SEM1: variants seen among roughly 807,000 people sequenced by gnomAD.
The protein encoded by SEM1 is SEM1 26S proteasome subunit, also known as 26S proteasome complex subunit SEM1.
In SEM1, 3 loss-of-function variants were observed where a neutral mutation model predicts 12.7. That is an observed-to-expected ratio of 0.24 (90% confidence interval 0.11 to 0.61). The LOEUF (loss-of-function observed/expected upper bound fraction) is 0.61. Ranked by LOEUF, SEM1 falls within the 20% of genes least tolerant of loss-of-function variation. The probability of loss-of-function intolerance (pLI) is 0.88; values close to 1 mark genes in which losing one functional copy is unlikely to be tolerated. For synonymous variants in SEM1, 30 were observed against 27.8 expected, an observed-to-expected ratio of 1.08 and a Z score of -0.25; for missense variants, 59 against 81.3, an observed-to-expected ratio of 0.73 and a Z score of 1.06.
chr7:96,593,494 A>C (rs902282742), intron 2 of SEM1, among the ~76,000 whole-genome samples: 1 of 152,170 alleles, frequency 6.6e-6, no homozygotes, highest in African/African-American at 2.4e-5. Flanking sequence ...CCTGTTCCCC[A>C]ATCAGATGAA....
At chr7:96,594,714 C>A (rs1806941153) in intron 2 of SEM1, among the ~76,000 whole-genome samples, 2 of 152,086 alleles carry the variant, frequency 1.3e-5, no homozygotes, top group Admixed American at 1.3e-4. Flanking sequence ...GTGAGAATTT[C>A]TTTTCAGTAT....
intron 2 of SEM1, among the ~76,000 whole-genome samples, chr7:96,678,461 G>A (rs1002420876): frequency 6.6e-6 from 1 of 152,144 alleles, no homozygotes; most frequent in Non-Finnish European, 1.5e-5. Flanking sequence ...AACTTACTTG[G>A]TAGTATTTAG....
At chr7:96,514,798 A>T (rs1486065406) in intron 2 of SEM1, among the ~76,000 whole-genome samples, 1 of 147,848 alleles carries the variant, frequency 6.8e-6, no homozygotes, top group Non-Finnish European at 1.5e-5. Flanking sequence ...CTATGTTCAT[A>T]GGTAGGAAAA....
chr7:96,518,463 G>T (rs995811509), intron 2 of SEM1, among the ~76,000 whole-genome samples: 2 of 152,142 alleles, frequency 1.3e-5, no homozygotes, highest in Admixed American at 1.3e-4. Flanking sequence ...GACAGCCTAT[G>T]CCACTGTGTC....
intron 2 of SEM1, chr7:96,645,755 C>T (rs1018435998): frequency 2.0e-4 from 78 of 397,984 alleles, no homozygotes; most frequent in African/African-American, 1.3e-3. Flanking sequence ...TGACCCATGC[C>T]GGATAGATGG....
intron 2 of SEM1, among the ~76,000 whole-genome samples, chr7:96,626,250 C>T (rs1808058822): frequency 4.6e-5 from 7 of 151,988 alleles, no homozygotes; most frequent in Admixed American, 3.9e-4. Flanking sequence ...TTTTTAGATC[C>T]CACAAATAAA....
chr7:96,667,008 T>C (rs367599099), intron 2 of SEM1, among the ~76,000 whole-genome samples: 1 of 152,210 alleles, frequency 6.6e-6, no homozygotes, highest in African/African-American at 2.4e-5. Flanking sequence ...TGCATTGATT[T>C]GTGTATCAAA....
intron 2 of SEM1, among the ~76,000 whole-genome samples, chr7:96,677,154 T>C (rs1442676193): frequency 1.3e-5 from 2 of 152,074 alleles, no homozygotes; most frequent in African/African-American, 2.4e-5. Context: ...CAGATCAAAA[T>C]GAAGACTGGG....
rs1169215534 is a variant in SEM1, at chr7:96,490,018, A to G, written c.13-3601T>C. 5.9e-5 allele frequency among the ~76,000 whole-genome samples: 9 copies of G among 152,058 alleles called. No homozygotes were observed. In the South Asian group the frequency reaches 6.2e-4, roughly 11 times the overall value. Reference sequence around the variant, plus strand: ...CAGGGGCATTGTGAGGAGACACACTATTCAATCCTGTACGGAACCCTGACT... The same window carrying G: ...CAGGGGCATTGTGAGGAGACACACTGTTCAATCCTGTACGGAACCCTGACT... On this transcript the variant is annotated intron_variant, in intron 1 of 3. Coordinates refer to the SEM1 transcript ENST00000356686.
At chr7:96,604,591 G>C (rs745591490) in intron 2 of SEM1, among the ~76,000 whole-genome samples, 2 of 151,996 alleles carry the variant, frequency 1.3e-5, no homozygotes, top group Non-Finnish European at 2.9e-5. Context: ...GTCATCTAGT[G>C]TATGGTGAAT....
chr7:96,493,022 G>A (rs1277910929), intron 1 of SEM1, among the ~76,000 whole-genome samples: 1 of 152,112 alleles, frequency 6.6e-6, no homozygotes, highest in Non-Finnish European at 1.5e-5. Context: ...GCTGGAGTGT[G>A]GAGTGCAGTA....
At chr7:96,636,713 G>A (rs1808438451) in intron 2 of SEM1, among the ~76,000 whole-genome samples, 1 of 152,006 alleles carries the variant, frequency 6.6e-6, no homozygotes, top group Non-Finnish European at 1.5e-5. Context: ...AGTCCAATTA[G>A]GGAAGGGTTA....
chr7:96,630,256 C>G (rs1479755870), intron 2 of SEM1, among the ~76,000 whole-genome samples: 1 of 152,188 alleles, frequency 6.6e-6, no homozygotes. Context: ...CCAGAAGTGC[C>G]ATCTGGGAGC....
At chr7:96,672,899 C>G (rs866623958), downstream of SEM1, 7 of 152,092 alleles carry the variant, frequency 4.6e-5, no homozygotes, top group African/African-American at 1.7e-4. Flanking sequence ...GTATCACTTA[C>G]CAGAGGTGTG....
At chr7:96,564,893 A>T (rs1239832449) in intron 2 of SEM1, among the ~76,000 whole-genome samples, 1 of 152,086 alleles carries the variant, frequency 6.6e-6, no homozygotes, top group African/African-American at 2.4e-5. Context: ...TCCAAATTTT[A>T]CAAAAAGTTG....
intron 2 of SEM1, among the ~76,000 whole-genome samples, chr7:96,564,795 C>G (rs1805796781): frequency 6.6e-6 from 1 of 151,870 alleles, no homozygotes. Flanking sequence ...TACTTAGGCG[C>G]TTATATATGT....
chr7:96,596,453 T>C lies in SEM1; in HGVS notation c.171-89755A>G, dbSNP rs1807001266. ...CTGGGCAGCTACTTATTTGAACAGC[T>C]GCTTATGAGGCACACAGCACCATTA... is the stretch of plus-strand genomic sequence containing the variant. On this transcript the variant is annotated intron_variant and NMD_transcript_variant, in intron 2 of 3. Transcript: ENST00000466986. 2.6e-5 allele frequency among the ~76,000 whole-genome samples: 4 copies of C among 152,206 alleles called. No homozygotes were observed. In the South Asian group the frequency reaches 8.3e-4, roughly 31 times the overall value.
rs1194401182 is a variant in SEM1 at position 96,640,553 on chromosome 7, G to A, written c.171-17910C>T. On this transcript the variant is annotated intron_variant, in intron 2 of 2. Coordinates refer to the SEM1 transcript ENST00000417009. This position sits in a 1 kb window ranked among gnomAD's most constrained non-coding sequence, Gnocchi z 4.0. Reference sequence around the variant, plus strand: ...CTATGGAGACAGTGAAAACTTTAGTGGTTGGCAGGGGGTAGTGGGAGGGAG... The same window carrying A: ...CTATGGAGACAGTGAAAACTTTAGTAGTTGGCAGGGGGTAGTGGGAGGGAG... Among the ~76,000 whole-genome samples, 1 of 151,968 alleles carries A rather than the reference G, an allele frequency of 6.6e-6. No individual in the cohort carries two copies. The highest frequency in any genetic ancestry group is 1.5e-5 in the Non-Finnish European group (1 of 67,934).
At chr7:96,562,970 G>A (rs1275165771) in intron 2 of SEM1, among the ~76,000 whole-genome samples, 1 of 152,158 alleles carries the variant, frequency 6.6e-6, no homozygotes, top group African/African-American at 2.4e-5. Flanking sequence ...ATGAAGGAAA[G>A]TCATTGGAAG....
Sources: gnomAD v4.1 joint callset for allele counts (sites outside exome capture counted in the v4.1 genomes callset) on GRCh38, gnomAD v4.1.1 for gene constraint, Gnocchi (gnomAD v3.1) non-coding constraint, MANE v1.5 for transcripts, NCBI Gene and HGNC (gene_info 2026-07-23, HGNC 2026-07-21) for gene names.